CCDC7: variants seen among roughly 807,000 people sequenced by gnomAD.
CCDC7 encodes coiled-coil domain-containing protein 7.
CCDC7 carries 183 observed loss-of-function variants against 196.9 expected under a neutral mutation model. The ratio of observed to expected loss-of-function variants is 0.93; its 90% confidence interval spans 0.82 to 1.05. The LOEUF (loss-of-function observed/expected upper bound fraction) is 1.05, where lower values mean the gene tolerates loss of function less well. Ranked by LOEUF, CCDC7 falls within the 50% of genes least tolerant of loss-of-function variation. CCDC7 has a pLI of 0.00. For missense variants in CCDC7, 1,540 were observed against 1,482.2 expected (o/e 1.04, Z -0.64); for synonymous variants, 525 against 484.6 (o/e 1.08, Z -1.10).
intron 21 of CCDC7, among the ~76,000 whole-genome samples, chr10:32,665,121 T>C (rs760767638): frequency 1.3e-5 from 2 of 152,078 alleles, no homozygotes. Context: ...ATTAGAGAAA[T>C]GTCTATTCAG....
At chr10:32,720,273 T>TCAGCAAACTAACA in intron 25 of CCDC7, among the ~76,000 whole-genome samples, 1 of 152,232 alleles carries the variant, frequency 6.6e-6, no homozygotes, top group South Asian at 2.1e-4. Context: ...ACCATCATTC[T>TCAGCAAACTAACA]CAGCAAACTA....
At chr10:32,599,860 T>C (rs988957572) in intron 18 of CCDC7, among the ~76,000 whole-genome samples, 4 of 152,172 alleles carry the variant, frequency 2.6e-5, no homozygotes, top group Non-Finnish European at 4.4e-5. Flanking sequence ...TTCATTCTTC[T>C]ACATGTGGCT....
At chr10:32,462,535 TAA>T (rs1297086319) in intron 3 of CCDC7, 146 bp from the exon 5 acceptor site, 44 of 560,112 alleles carry the variant, frequency 7.9e-5, no homozygotes, top group Non-Finnish European at 2.7e-5. Context: ...TAAAAAATTT[TAA>T]GTTTCAACTA....
intron 13 of CCDC7, among the ~76,000 whole-genome samples, chr10:32,548,386 G>A (rs552035943): frequency 1.6e-4 from 24 of 152,242 alleles, no homozygotes; most frequent in African/African-American, 5.8e-4. Flanking sequence ...GACTCAGGAC[G>A]GAGCAGGTGA....
chr10:32,845,375 C>A, intron 34 of CCDC7, 49 bp downstream of exon 35: 1 of 1,385,100 alleles, frequency 7.2e-7, no homozygotes, highest in Non-Finnish European at 1.0e-6. Context: ...GATTGATATT[C>A]CCTGAGTTAA....
intron 32 of CCDC7, among the ~76,000 whole-genome samples, chr10:32,831,524 C>T (rs1478860349): frequency 2.0e-5 from 3 of 152,140 alleles, no homozygotes; most frequent in African/African-American, 4.8e-5. Context: ...TTAAAACACA[C>T]ATTGTACAGT....
At chr10:32,650,175 C>T (rs775704987) in intron 20 of CCDC7, among the ~76,000 whole-genome samples, 2 of 152,110 alleles carry the variant, frequency 1.3e-5, no homozygotes, top group Non-Finnish European at 2.9e-5. Context: ...TGAGCATAGT[C>T]CATTGGCTTT....
chr10:32,787,407 A>G (rs1258592237), intron 29 of CCDC7, among the ~76,000 whole-genome samples: 1 of 152,250 alleles, frequency 6.6e-6, no homozygotes, highest in African/African-American at 2.4e-5. Context: ...CACAACAGCT[A>G]AAGAAACCAG....
chr10:32,711,126 GTA>G (rs375124829), intron 24 of CCDC7, among the ~76,000 whole-genome samples: 10 of 146,648 alleles, frequency 6.8e-5, no homozygotes, highest in African/African-American at 1.6e-4. Flanking sequence ...GTGTGTGTGT[GTA>G]TATATATATA....
intron 28 of CCDC7, among the ~76,000 whole-genome samples, chr10:32,760,370 A>G (rs1592463763): frequency 6.6e-6 from 1 of 152,146 alleles, no homozygotes; most frequent in East Asian, 1.9e-4. Flanking sequence ...GATAGACTGG[A>G]TTAAGAAAAT....
At chr10:32,777,505 T>C (rs951049749) in intron 28 of CCDC7, among the ~76,000 whole-genome samples, 10 of 150,042 alleles carry the variant, frequency 6.7e-5, no homozygotes, top group African/African-American at 2.4e-4. Context: ...CAACAGTGTG[T>C]ACATGTCCCC....
chr10:32,857,823 A>T (rs922121923), intron 41 of CCDC7, among the ~76,000 whole-genome samples: 1 of 152,014 alleles, frequency 6.6e-6, no homozygotes, highest in African/African-American at 2.4e-5. Flanking sequence ...TAGAAAAAAA[A>T]ATCAATAAAA....
intron 3 of CCDC7, among the ~76,000 whole-genome samples, chr10:32,460,165 A>G (rs1564628270): frequency 6.6e-6 from 1 of 152,184 alleles, no homozygotes; most frequent in Non-Finnish European, 1.5e-5. Flanking sequence ...AATAATTCAT[A>G]AAGAGAGGGG....
intron 28 of CCDC7, among the ~76,000 whole-genome samples, chr10:32,746,720 A>G (rs2074808105): frequency 6.6e-6 from 1 of 152,130 alleles, no homozygotes. Flanking sequence ...ACCTCGGCTA[A>G]CCATCAGAAA....
At chr10:32,681,531 G>A (rs1261932938) in intron 21 of CCDC7, among the ~76,000 whole-genome samples, 1 of 152,104 alleles carries the variant, frequency 6.6e-6, no homozygotes, top group African/African-American at 2.4e-5. Flanking sequence ...CCAAGAGCCT[G>A]GTTGGCCAAG....
At chr10:32,797,180 TGTATATATATAC>T (rs774777616) in intron 29 of CCDC7, among the ~76,000 whole-genome samples, 14 of 146,440 alleles carry the variant, frequency 9.6e-5, no homozygotes, top group Non-Finnish European at 6.1e-5. Context: ...TGTGTGTGTG[TGTATATATATAC>T]GTATATATAT....
At chr10:32,717,597 T>C (rs527705329) in intron 25 of CCDC7, among the ~76,000 whole-genome samples, 2 of 151,120 alleles carry the variant, frequency 1.3e-5, no homozygotes, top group East Asian at 1.9e-4. Context: ...AGCTGTTTTT[T>C]TGAAAAATTT....
chr10:32,459,761 A>G (rs554788604), intron 3 of CCDC7, among the ~76,000 whole-genome samples: 60 of 143,994 alleles, frequency 4.2e-4, no homozygotes, highest in African/African-American at 1.5e-3. Flanking sequence ...ATAGCATTTC[A>G]GTAGACCAAG....
chr10:32,513,213 A>T (rs919439715), intron 9 of CCDC7: 1 of 152,126 alleles, frequency 6.6e-6, no homozygotes. Context: ...ATAATAAGGG[A>T]ATACTATGAA....
Sources: allele counts gnomAD v4.1 joint callset (sites outside exome capture counted in the v4.1 genomes callset), GRCh38; gene constraint gnomAD v4.1.1; transcripts MANE v1.5; gene names NCBI Gene and HGNC (gene_info 2026-07-23, HGNC 2026-07-21).